Variants in SYT1 observed in about 807,000 individuals in gnomAD.
The protein encoded by SYT1 is synaptotagmin 1.
A neutral mutation model predicts 44.8 loss-of-function variants in SYT1; 8 were observed. That is an observed-to-expected ratio of 0.18 (90% confidence interval 0.10 to 0.32). The LOEUF (loss-of-function observed/expected upper bound fraction) is 0.32, where lower values mean the gene tolerates loss of function less well. SYT1 is among the 10% of genes least tolerant of loss of function. SYT1 has a pLI of 1.00. For missense variants in SYT1, 286 were observed against 509.3 expected (o/e 0.56, Z 4.22); for synonymous variants, 154 against 188.8 (o/e 0.82, Z 1.51).
At chr12:79,300,789 T>TTTTTTATATA (rs1490670835) in intron 8 of SYT1, among the ~76,000 whole-genome samples, 9 of 89,608 alleles carry the variant, frequency 1.0e-4, no homozygotes, top group East Asian at 1.0e-3. Flanking sequence ...TGTATACTTA[T>TTTTTTATATA]TATATATATA....
intron 9 of SYT1, among the ~76,000 whole-genome samples, chr12:79,357,860 T>C (rs1883172560): frequency 6.6e-6 from 1 of 152,164 alleles, no homozygotes; most frequent in Non-Finnish European, 1.5e-5. Context: ...AAATAAGAAA[T>C]GTTTTCTATT....
At chr12:79,108,150 C>T (rs1878818934) in intron 3 of SYT1, among the ~76,000 whole-genome samples, 1 of 151,508 alleles carries the variant, frequency 6.6e-6, no homozygotes, top group Admixed American at 6.6e-5. Flanking sequence ...AAGCTGATAA[C>T]AATATAATCT....
At chr12:79,225,485 A>G (rs1175268200) in intron 4 of SYT1, among the ~76,000 whole-genome samples, 1 of 152,200 alleles carries the variant, frequency 6.6e-6, no homozygotes, top group Non-Finnish European at 1.5e-5. Flanking sequence ...TGCTGAGTTA[A>G]TGGACTGATA....
At chr12:78,959,064 GC>G (rs1227575505) in intron 1 of SYT1, among the ~76,000 whole-genome samples, 1 of 152,016 alleles carries the variant, frequency 6.6e-6, no homozygotes, top group African/African-American at 2.4e-5. Flanking sequence ...CATAAGGGAA[GC>G]CCATTTGCAT....
chr12:78,981,895 A>C (rs1869290696), intron 2 of SYT1, among the ~76,000 whole-genome samples: 1 of 152,048 alleles, frequency 6.6e-6, no homozygotes, highest in Non-Finnish European at 1.5e-5. Flanking sequence ...TCTGTTTCTT[A>C]AATTTGGATA....
rs1434791877 is a variant in SYT1 at position 78,982,107 on chromosome 12, A to G, written c.-84+4176A>G. On this transcript the variant is annotated intron_variant, in intron 2 of 10. Coordinates refer to ENST00000261205, the MANE Select transcript of SYT1 (RefSeq NM_005639.3). ...AATTTTTAGAGATGGAAAAAATAGA[A>G]CTATTTGCTCATGATAAAAATTCTA... is the stretch of plus-strand genomic sequence containing the variant. Among the ~76,000 whole-genome samples the G allele has an allele frequency of 2.6e-5, 4 of 152,170 alleles. No individual in the cohort carries two copies. In the East Asian group the frequency reaches 7.7e-4, roughly 29 times the overall value.
chr12:79,354,143 A>T (rs1210427332), intron 9 of SYT1, among the ~76,000 whole-genome samples: 1 of 152,140 alleles, frequency 6.6e-6, no homozygotes, highest in African/African-American at 2.4e-5. Flanking sequence ...CACAGCTGAC[A>T]TTGAGGATGG....
chr12:79,180,083 T>G (rs1050373617), intron 3 of SYT1, among the ~76,000 whole-genome samples: 1 of 152,054 alleles, frequency 6.6e-6, no homozygotes, highest in Admixed American at 6.6e-5. Context: ...AGAAGTGGGA[T>G]TGCAAAGAGA....
At chr12:78,879,396 G>A (rs1187370326) in intron 1 of SYT1, among the ~76,000 whole-genome samples, 2 of 151,716 alleles carry the variant, frequency 1.3e-5, no homozygotes, top group African/African-American at 2.4e-5. Flanking sequence ...GTCTTACTAG[G>A]ATTCCTGACA....
At chr12:79,275,611 C>T (rs889845543) in intron 4 of SYT1, among the ~76,000 whole-genome samples, 12 of 152,134 alleles carry the variant, frequency 7.9e-5, no homozygotes, top group Non-Finnish European at 1.3e-4. Context: ...GCTGAGGTGA[C>T]TCCCTCCCTC....
At chr12:78,982,067 T>A (rs1267065818) in intron 2 of SYT1, among the ~76,000 whole-genome samples, 1 of 152,118 alleles carries the variant, frequency 6.6e-6, no homozygotes, top group Non-Finnish European at 1.5e-5. Context: ...ATCACTTCCA[T>A]TTAACCTTAA....
At chr12:79,008,657 A>C (rs1026577394) in intron 2 of SYT1, among the ~76,000 whole-genome samples, 4 of 152,134 alleles carry the variant, frequency 2.6e-5, no homozygotes, top group African/African-American at 9.7e-5. Context: ...GTAGAGAGTG[A>C]GGGAAAGAAC....
intron 8 of SYT1, among the ~76,000 whole-genome samples, chr12:79,338,491 T>C (rs1882191326): frequency 1.3e-5 from 2 of 151,948 alleles, no homozygotes; most frequent in African/African-American, 4.8e-5. Context: ...CAGGCTGGTC[T>C]TGAACTCCTG....
chr12:79,135,873 T>C (rs1280884752), intron 3 of SYT1, among the ~76,000 whole-genome samples: 1 of 152,172 alleles, frequency 6.6e-6, no homozygotes, highest in African/African-American at 2.4e-5. Flanking sequence ...ACAAATATGA[T>C]CCTTGCAAGA....
chr12:78,973,272 C>T (rs984596102), intron 1 of SYT1, among the ~76,000 whole-genome samples: 2 of 152,116 alleles, frequency 1.3e-5, no homozygotes, highest in African/African-American at 4.8e-5. Flanking sequence ...GAACACTTTA[C>T]ATCCACTCTT....
At chr12:79,090,372 A>G (rs1877689602) in intron 3 of SYT1, among the ~76,000 whole-genome samples, 1 of 151,890 alleles carries the variant, frequency 6.6e-6, no homozygotes. Flanking sequence ...TCACTCCAAT[A>G]TATCTGCCTC....
chr12:78,962,127 G>A (rs1879536791), intron 1 of SYT1, among the ~76,000 whole-genome samples: 1 of 151,514 alleles, frequency 6.6e-6, no homozygotes, highest in African/African-American at 2.4e-5. Flanking sequence ...TCAGTGTTTT[G>A]GACTGTGCTG....
intron 10 of SYT1, among the ~76,000 whole-genome samples, chr12:79,448,596 GA>G (rs1004655281): frequency 6.6e-6 from 1 of 152,116 alleles, no homozygotes; most frequent in Admixed American, 6.5e-5. Context: ...CATAGGCTCT[GA>G]AAACCAAACA....
chr12:79,439,798 C>G (rs11114119), intron 9 of SYT1, among the ~76,000 whole-genome samples: 5,611 of 152,082 alleles, frequency 0.037, 268 homozygotes, highest in East Asian at 0.2. Flanking sequence ...AAAAGCAGAG[C>G]CAAGATCCAA....
Sources: gnomAD v4.1 joint callset for allele counts (sites outside exome capture counted in the v4.1 genomes callset) on GRCh38, gnomAD v4.1.1 for gene constraint, MANE v1.5 for transcripts, NCBI Gene and HGNC (gene_info 2026-07-23, HGNC 2026-07-21) for gene names.